Variants in ARHGEF11 observed in about 807,000 individuals in gnomAD.
ARHGEF11 encodes the protein Rho guanine exchange factor (GEF) 11.
ARHGEF11 carries 55 observed loss-of-function variants against 193.7 expected under a neutral mutation model. The ratio of observed to expected loss-of-function variants is 0.28; its 90% CI spans 0.23 to 0.36. ARHGEF11 has a LOEUF of 0.36. Ranked by LOEUF, ARHGEF11 falls within the 10% of genes least tolerant of loss-of-function variation. The pLI is 1.00. For synonymous variants in ARHGEF11, 693 were observed against 768.0 expected (o/e 0.90, Z 1.62); for missense variants, 1,723 against 2,005.6 (o/e 0.86, Z 2.69).
intron 1 of ARHGEF11, among the ~76,000 whole-genome samples, chr1:156,988,645 A>C (rs567524881): frequency 6.6e-6 from 1 of 152,336 alleles, no homozygotes; most frequent in East Asian, 1.9e-4. Context: ...AAATGAACCA[A>C]AAGGTCCATG....
At chr1:156,947,666 G>T in intron 25 of ARHGEF11, 103 bp downstream of exon 25, 1 of 1,463,754 alleles carries the variant, frequency 6.8e-7, no homozygotes. Flanking sequence ...GCACACAGGG[G>T]CCCCCCACCC....
chr1:156,961,579 C>A, intron 14 of ARHGEF11, 98 bp downstream of exon 14: 1 of 997,978 alleles, frequency 1.0e-6, no homozygotes, highest in East Asian at 2.4e-5. Flanking sequence ...CTTTAAGAAC[C>A]TGTCTCTGTT....
chr1:157,000,917 TGG>T (rs1312354060), intron 1 of ARHGEF11, among the ~76,000 whole-genome samples: 1 of 152,196 alleles, frequency 6.6e-6, no homozygotes, highest in East Asian at 1.9e-4. Context: ...CATTCCTGGC[TGG>T]TGACTTCAGG....
intron 21 of ARHGEF11, among the ~76,000 whole-genome samples, chr1:156,953,993 T>C (rs993729894): frequency 6.6e-6 from 1 of 152,112 alleles, no homozygotes; most frequent in Non-Finnish European, 1.5e-5. Context: ...AACAAAAATA[T>C]CCAAGAGAAA....
chr1:156,996,649 T>C (rs1305468681), intron 1 of ARHGEF11, among the ~76,000 whole-genome samples: 2 of 151,140 alleles, frequency 1.3e-5, no homozygotes, highest in Non-Finnish European at 2.9e-5. Flanking sequence ...AGCGGGCGCC[T>C]GTAGTCCCAG....
intron 1 of ARHGEF11, among the ~76,000 whole-genome samples, chr1:156,991,707 CTTATTTT>C (rs1229480917): frequency 9.3e-6 from 1 of 107,530 alleles, no homozygotes; most frequent in African/African-American, 3.7e-5. Flanking sequence ...TTTTTTCAAG[CTTATTTT>C]TTTTTTTTTT....
chr1:157,031,586 T>A (rs751828237), intron 1 of ARHGEF11, among the ~76,000 whole-genome samples: 1 of 152,130 alleles, frequency 6.6e-6, no homozygotes, highest in Non-Finnish European at 1.5e-5. Context: ...CTGGAGATGA[T>A]GAGAAACGGC....
chr1:156,959,607 C>A (rs77459409), intron 15 of ARHGEF11, among the ~76,000 whole-genome samples: 9 of 152,220 alleles, frequency 5.9e-5, no homozygotes, highest in African/African-American at 1.7e-4. Context: ...TCCACCCAGG[C>A]TAGGCTAAGT....
intron 7 of ARHGEF11, among the ~76,000 whole-genome samples, chr1:156,974,374 A>C (rs1226515457): frequency 6.6e-6 from 1 of 152,164 alleles, no homozygotes; most frequent in African/African-American, 2.4e-5. Context: ...GGTCCCACTG[A>C]CATTTTCAAC....
intron 1 of ARHGEF11, among the ~76,000 whole-genome samples, chr1:157,015,518 G>A (rs541917484): frequency 2.0e-5 from 3 of 152,282 alleles, no homozygotes; most frequent in South Asian, 2.1e-4. Flanking sequence ...AGGGCACATC[G>A]CCATCACTGC....
At chr1:157,030,382 C>A (rs1174513288) in intron 1 of ARHGEF11, among the ~76,000 whole-genome samples, 1 of 152,110 alleles carries the variant, frequency 6.6e-6, no homozygotes, top group Non-Finnish European at 1.5e-5. Flanking sequence ...ACTCTCCCCA[C>A]CATTAACCAA....
intron 1 of ARHGEF11, among the ~76,000 whole-genome samples, chr1:156,986,547 A>G (rs1664944130): frequency 6.6e-6 from 1 of 152,210 alleles, no homozygotes; most frequent in Admixed American, 6.5e-5. Flanking sequence ...AGAGAAAATG[A>G]ATGCAAGAAA....
At chr1:156,954,697 A>G (rs140706143) in intron 21 of ARHGEF11, among the ~76,000 whole-genome samples, 195 bp downstream of exon 21, 7 of 152,332 alleles carry the variant, frequency 4.6e-5, no homozygotes, top group African/African-American at 1.4e-4. Flanking sequence ...GCCCTCCCCA[A>G]TCCCCCACAG....
intron 1 of ARHGEF11, among the ~76,000 whole-genome samples, chr1:157,001,977 T>C (rs1350030978): frequency 6.6e-6 from 1 of 152,344 alleles, no homozygotes; most frequent in Middle Eastern, 3.4e-3. Flanking sequence ...ATATTTGGAT[T>C]ATGGTCTTAG....
intron 7 of ARHGEF11, among the ~76,000 whole-genome samples, chr1:156,974,030 A>T (rs1385131742): frequency 1.3e-5 from 2 of 151,942 alleles, no homozygotes; most frequent in Non-Finnish European, 2.9e-5. Context: ...ATGGCCAATA[A>T]CACCTTCCAG....
Position 156,970,054 on chromosome 1 carries a change from A to C in ARHGEF11, c.703-11T>G, listed in dbSNP as rs1185280120. ...TAGTGGAAGTATGTCCTGAAACAGA[A>C]AGGCCCACAGGGTGGGCAAATTCTG... is the stretch of plus-strand genomic sequence containing the variant. On this transcript the variant is annotated splice_polypyrimidine_tract_variant and intron_variant, in intron 8 of 40. Transcript: ENST00000368194. 6.2e-7 allele frequency: 1 copy of C among 1,613,844 alleles called. No homozygotes were observed.
At chr1:157,027,080 C>T (rs1207958947) in intron 1 of ARHGEF11, among the ~76,000 whole-genome samples, 1 of 152,162 alleles carries the variant, frequency 6.6e-6, no homozygotes, top group African/African-American at 2.4e-5. Flanking sequence ...GTCAACATTA[C>T]TTAAAGAGTA....
rs151100430 is a variant in ARHGEF11 at position 156,949,957 on chromosome 1, G to C, written c.1926-1459C>G. ...TGAGTTGATAATCATCAAACCCAAA[G>C]GCTTCTGCTTAGAGTAGCTTTAGGA... On this transcript the variant is annotated intron_variant, in intron 22 of 40. Transcript: ENST00000368194. Among the ~76,000 whole-genome samples, 1,021 of 152,188 alleles carry C rather than the reference G, an allele frequency of 6.7e-3. 8 individuals are homozygous for C. The highest frequency in any genetic ancestry group is 9.1e-3 in the Non-Finnish European group (619 of 68,004).
chr1:156,949,627 C>T (rs1196821828), intron 22 of ARHGEF11, among the ~76,000 whole-genome samples: 3 of 152,140 alleles, frequency 2.0e-5, no homozygotes, highest in South Asian at 2.1e-4. Flanking sequence ...AATTCACCCT[C>T]CAGAATTGTG....
Sources: allele counts gnomAD v4.1 joint callset (sites outside exome capture counted in the v4.1 genomes callset), GRCh38; gene constraint gnomAD v4.1.1; transcripts MANE v1.5; gene names NCBI Gene and HGNC (gene_info 2026-07-23, HGNC 2026-07-21).